CD72: variants seen among roughly 807,000 people sequenced by gnomAD.
The protein encoded by CD72 is CD72 molecule, also known as B-cell differentiation antigen CD72.
A neutral mutation model predicts 50.7 loss-of-function variants in CD72; 28 were observed. That is an observed-to-expected ratio of 0.55 (90% confidence interval 0.41 to 0.76). The LOEUF (loss-of-function observed/expected upper bound fraction) is 0.76. Ranked by LOEUF, CD72 falls within the 30% of genes least tolerant of loss-of-function variation. The pLI, the probability that CD72 is intolerant of heterozygous loss-of-function variation, is 0.00. For missense variants in CD72, 403 were observed against 420.6 expected, an observed-to-expected ratio of 0.96 and a Z score of 0.37; for synonymous variants, 176 against 171.2, an observed-to-expected ratio of 1.03 and a Z score of -0.22.
At chr9:35,616,377 G>T (rs750130976) in intron 4 of CD72, 99 bp from the exon 5 acceptor site, 1 of 972,118 alleles carries the variant, frequency 1.0e-6, no homozygotes, top group Non-Finnish European at 1.5e-6. Flanking sequence ...GCAACTTTTT[G>T]CATCACAGGC....
chr9:35,610,512 C>T (rs1220591942), intron 8 of CD72, 90 bp downstream of exon 8: 15 of 853,328 alleles, frequency 1.8e-5, no homozygotes, highest in South Asian at 7.8e-5. Context: ...CAAGTTTTCT[C>T]TCGGGCCCCT....
At chr9:35,614,034 G>A (rs1012133804) in intron 5 of CD72, among the ~76,000 whole-genome samples, 32 of 150,260 alleles carry the variant, frequency 2.1e-4, no homozygotes, top group Non-Finnish European at 3.9e-4. Flanking sequence ...AAAAAAAAAA[G>A]AAATCTGTAT....
At chr9:35,616,801 C>T in intron 3 of CD72, 112 bp from the exon 4 acceptor site, 1 of 1,038,990 alleles carries the variant, frequency 9.6e-7, no homozygotes, top group Non-Finnish European at 1.5e-6. Context: ...AAGAGGAGGG[C>T]GGTGCAGAGC....
intron 1 of CD72, among the ~76,000 whole-genome samples, chr9:35,635,207 G>A (rs1417631279): frequency 2.0e-5 from 3 of 152,094 alleles, no homozygotes; most frequent in Non-Finnish European, 4.4e-5. Context: ...CTGAGTGTGT[G>A]TCTTTTCGTT....
Position 35,612,806 on chromosome 9 carries a change from C to T in CD72, c.834+42G>A, listed in dbSNP as rs957606206. On this transcript the variant is annotated intron_variant, in intron 6 of 8. Transcript: ENST00000259633. ...GACTTGATGACATATGTCCCTTTAC[C>T]TAATAGTACCCACTGCAGTCTGTGA... 7 of 1,594,328 alleles carry T rather than the reference C, an allele frequency of 4.4e-6. No individual in the cohort carries two copies. The African/African-American group carries it at 6.7e-5, about 15-fold the overall frequency.
chr9:35,615,901 C>G (rs1587901809), intron 5 of CD72, 42 bp downstream of exon 5: 1 of 1,520,028 alleles, frequency 6.6e-7, no homozygotes, highest in East Asian at 2.3e-5. Flanking sequence ...TCTCCTTGCT[C>G]CAATCCATCC....
chr9:35,624,020 T>C (rs549572536), upstream of CD72, among the ~76,000 whole-genome samples: 2 of 151,916 alleles, frequency 1.3e-5, no homozygotes, highest in East Asian at 3.9e-4. Flanking sequence ...ACGACCAGCC[T>C]GACCAACACG....
chr9:35,637,213 T>G (rs1048707196), intron 1 of CD72, among the ~76,000 whole-genome samples: 2 of 152,124 alleles, frequency 1.3e-5, no homozygotes, highest in Non-Finnish European at 2.9e-5. Context: ...CTATAAAAAC[T>G]AATGATAATC....
intron 1 of CD72, among the ~76,000 whole-genome samples, chr9:35,637,967 T>TC (rs1367060207): frequency 6.6e-6 from 1 of 152,132 alleles, no homozygotes; most frequent in Admixed American, 6.5e-5. Context: ...GAAAACCCCT[T>TC]CAACTCACAC....
intron 7 of CD72, among the ~76,000 whole-genome samples, chr9:35,611,203 A>G (rs10972527): frequency 0.01 from 1,542 of 151,456 alleles, 21 homozygotes; most frequent in African/African-American, 0.033. Context: ...GTGAGCTGAG[A>G]TTGCACCACT....
At chr9:35,646,273 AGAG>A (rs1431266355) in intron 1 of CD72, 3 of 152,220 alleles carry the variant, frequency 2.0e-5, no homozygotes. Flanking sequence ...GCTTTAAGAA[AGAG>A]GAGGGACAGC....
chr9:35,629,353 A>C (rs1362819208), intron 1 of CD72, among the ~76,000 whole-genome samples: 1 of 152,218 alleles, frequency 6.6e-6, no homozygotes, highest in Non-Finnish European at 1.5e-5. Context: ...GGAAAGTTGA[A>C]AGAATATCAT....
chr9:35,624,220 T>A (rs895316024), upstream of CD72, among the ~76,000 whole-genome samples: 6 of 46,610 alleles, frequency 1.3e-4, no homozygotes, highest in South Asian at 3.6e-3. Context: ...TCAAAAATAA[T>A]AATAATAATA....
intron 1 of CD72, among the ~76,000 whole-genome samples, chr9:35,641,215 C>A (rs752327284): frequency 6.6e-6 from 1 of 152,110 alleles, no homozygotes; most frequent in Non-Finnish European, 1.5e-5. Flanking sequence ...TCATTAACAT[C>A]GGAGCATGGG....
intron 1 of CD72, among the ~76,000 whole-genome samples, chr9:35,639,694 T>TTTGA: frequency 6.6e-6 from 1 of 152,348 alleles, no homozygotes; most frequent in South Asian, 2.1e-4. Context: ...AGCAGAATTA[T>TTTGA]GTGATTACTG....
At chr9:35,640,467 G>A (rs1478414423) in intron 1 of CD72, among the ~76,000 whole-genome samples, 2 of 152,232 alleles carry the variant, frequency 1.3e-5, no homozygotes, top group African/African-American at 4.8e-5. Context: ...ATTAGAAGCC[G>A]TGGGTCACGG....
chr9:35,619,305 G>T (rs932045326), upstream of CD72, among the ~76,000 whole-genome samples: 3 of 152,142 alleles, frequency 2.0e-5, no homozygotes, highest in African/African-American at 7.2e-5. Flanking sequence ...GAGCAGGGGT[G>T]CCCAAAGGTG....
intron 1 of CD72, among the ~76,000 whole-genome samples, chr9:35,626,655 A>G (rs938386497): frequency 2.6e-5 from 4 of 152,336 alleles, no homozygotes; most frequent in African/African-American, 9.6e-5. Context: ...TCCAGCCTTC[A>G]GCAACTACCA....
intron 1 of CD72, among the ~76,000 whole-genome samples, chr9:35,634,902 G>T (rs1383111919): frequency 1.3e-5 from 2 of 152,126 alleles, no homozygotes; most frequent in South Asian, 2.1e-4. Flanking sequence ...CTCCCCACTG[G>T]TTTCTTGCTT....
Sources: allele counts gnomAD v4.1 joint callset (sites outside exome capture counted in the v4.1 genomes callset), GRCh38; gene constraint gnomAD v4.1.1; transcripts MANE v1.5; gene names NCBI Gene and HGNC (gene_info 2026-07-23, HGNC 2026-07-21).